The following THRB variants were observed in gnomAD, a reference collection of about 807,000 sequenced individuals.
The protein encoded by THRB is nuclear receptor subfamily 1 group A member 2.
THRB carries 12 observed loss-of-function variants against 47.8 expected under a neutral mutation model. The ratio of observed to expected loss-of-function variants is 0.25; its 90% CI spans 0.16 to 0.41. THRB has a LOEUF of 0.41. Ranked by LOEUF, THRB falls within the 10% of genes least tolerant of loss-of-function variation. THRB has a pLI of 1.00. For synonymous variants in THRB, 218 were observed against 212.2 expected (o/e 1.03, Z -0.24); for missense variants, 348 against 589.2 (o/e 0.59, Z 4.24).
At chr3:24,202,857 A>G (rs896007607) in intron 4 of THRB, among the ~76,000 whole-genome samples, 5 of 152,234 alleles carry the variant, frequency 3.3e-5, no homozygotes, top group Non-Finnish European at 5.9e-5. Context: ...CACCTTTGCT[A>G]TCTTCTACAG....
At chr3:24,241,323 TAGAAAAGCCACTC>T (rs1472350614) in intron 3 of THRB, among the ~76,000 whole-genome samples, 8 of 152,272 alleles carry the variant, frequency 5.3e-5, no homozygotes, top group East Asian at 3.9e-4. Context: ...AATGCGTACT[TAGAAAAGCCACTC>T]AGGTGATTCC....
intron 3 of THRB, among the ~76,000 whole-genome samples, chr3:24,264,855 G>A (rs1054519943): frequency 3.3e-5 from 5 of 151,958 alleles, no homozygotes; most frequent in Admixed American, 2.6e-4. Flanking sequence ...TCCACAAGAG[G>A]GCAGTCCTCC....
intron 1 of THRB, among the ~76,000 whole-genome samples, chr3:24,347,731 T>C (rs2063112826): frequency 6.6e-6 from 1 of 151,632 alleles, no homozygotes; most frequent in Admixed American, 6.6e-5. Context: ...AAAATGTCAA[T>C]GAAATGGACA....
chr3:24,446,521 T>G (rs1194184945), intron 1 of THRB, among the ~76,000 whole-genome samples: 1 of 148,846 alleles, frequency 6.7e-6, no homozygotes, highest in Non-Finnish European at 1.5e-5. Flanking sequence ...GCTGCTAAAT[T>G]GTCATTCCAT....
rs116388386 is a variant in THRB at position 24,482,984 on chromosome 3, C to T, written c.-261+11668G>A. On this transcript the variant is annotated intron_variant, in intron 1 of 10. Coordinates refer to ENST00000646209, the MANE Select transcript of THRB (RefSeq NM_001354712.2). ...TTATTTTTCTTTTATATGTTCTCTG[C>T]ATGATACTTCTTATCATTGGTTAGT... is the stretch of plus-strand genomic sequence containing the variant. Among the ~76,000 whole-genome samples the T allele has an allele frequency of 9.9e-3, 1,514 of 152,258 alleles. 26 individuals carry two copies. The highest frequency in any genetic ancestry group is 0.035 in the African/African-American group (1,434 of 41,540).
intron 2 of THRB, among the ~76,000 whole-genome samples, chr3:24,299,003 T>C (rs1276715913): frequency 6.6e-6 from 1 of 152,056 alleles, no homozygotes; most frequent in Non-Finnish European, 1.5e-5. Context: ...ATCCCAGCAC[T>C]TTGGGAGGCC....
intron 3 of THRB, among the ~76,000 whole-genome samples, chr3:24,248,778 T>C (rs1391771708): frequency 6.6e-6 from 1 of 152,186 alleles, no homozygotes; most frequent in Non-Finnish European, 1.5e-5. Flanking sequence ...CTTCCTTTCT[T>C]AGTGGTCCAA....
At chr3:24,143,381 G>A (rs1009626575) in intron 8 of THRB, 120 bp downstream of exon 8, 26 of 1,019,266 alleles carry the variant, frequency 2.6e-5, no homozygotes, top group African/African-American at 1.1e-4. Flanking sequence ...TCAGAGCTAC[G>A]GTTTCCCTAT....
chr3:24,413,249 TGCA>T (rs1201242769), intron 1 of THRB, among the ~76,000 whole-genome samples: 4 of 152,050 alleles, frequency 2.6e-5, no homozygotes, highest in Admixed American at 2.6e-4. Context: ...AAAAGATATT[TGCA>T]AAGAATTTTA....
chr3:24,329,108 C>T (rs1472227657), intron 2 of THRB, among the ~76,000 whole-genome samples: 1 of 151,942 alleles, frequency 6.6e-6, no homozygotes, highest in African/African-American at 2.4e-5. Context: ...CACCATGCCC[C>T]TCTAATTTTT....
rs527792676 is a variant in THRB, at chr3:24,397,093, C to A, written c.-260-59722G>T. 5.3e-4 allele frequency among the ~76,000 whole-genome samples: 80 copies of A among 152,202 alleles called. 1 individual carries two copies. The South Asian group carries it at 0.016, about 30-fold the overall frequency. On this transcript the variant is annotated intron_variant, in intron 1 of 10. Transcript: ENST00000646209. ...AATTAGAACTCAGCATAGATATTATCATTTAAATTCAGTTTAGTGACATAA... is the reference window on the plus strand; with the variant it reads ...AATTAGAACTCAGCATAGATATTATAATTTAAATTCAGTTTAGTGACATAA...
chr3:24,451,377 G>A (rs1444822268), intron 1 of THRB, among the ~76,000 whole-genome samples: 1 of 151,950 alleles, frequency 6.6e-6, no homozygotes, highest in African/African-American at 2.4e-5. Context: ...GGGACTACAG[G>A]TGCCTGCCAC....
chr3:24,413,387 T>C (rs1286737755), intron 1 of THRB, among the ~76,000 whole-genome samples: 3 of 151,792 alleles, frequency 2.0e-5, no homozygotes, highest in Admixed American at 2.0e-4. Flanking sequence ...AAGAATTCTA[T>C]ATGGTAAATT....
At chr3:24,306,822 C>T (rs2057372158) in intron 2 of THRB, among the ~76,000 whole-genome samples, 1 of 152,170 alleles carries the variant, frequency 6.6e-6, no homozygotes, top group African/African-American at 2.4e-5. Context: ...GAGCTAAAAT[C>T]TATCTGGATG....
At chr3:24,404,760 AAACAC>A (rs2067687918) in intron 1 of THRB, among the ~76,000 whole-genome samples, 1 of 151,944 alleles carries the variant, frequency 6.6e-6, no homozygotes. Context: ...AAACATTAAT[AAACAC>A]AATTTCTTTG....
chr3:24,277,831 C>T (rs575640442), intron 3 of THRB, among the ~76,000 whole-genome samples: 3 of 152,302 alleles, frequency 2.0e-5, no homozygotes, highest in Admixed American at 6.5e-5. Context: ...TAAAGAATTA[C>T]TGGCAGTCTC....
chr3:24,436,551 G>A (rs1446176983), intron 1 of THRB, among the ~76,000 whole-genome samples: 3 of 152,262 alleles, frequency 2.0e-5, no homozygotes, highest in Admixed American at 2.0e-4. Context: ...TAAATGGGAA[G>A]TTTAACAAGA....
At chr3:24,205,093 A>G (rs1179353560) in intron 4 of THRB, among the ~76,000 whole-genome samples, 1 of 152,238 alleles carries the variant, frequency 6.6e-6, no homozygotes, top group Non-Finnish European at 1.5e-5. Context: ...CATATTATCC[A>G]GGAGAACTTC....
chr3:24,459,242 GC>G (rs1242999210), intron 1 of THRB: 1 of 152,150 alleles, frequency 6.6e-6, no homozygotes, highest in Admixed American at 6.5e-5. Flanking sequence ...GTGATAGCTT[GC>G]TGAGAATGAT....
Sources: allele counts gnomAD v4.1 joint callset (sites outside exome capture counted in the v4.1 genomes callset), GRCh38; gene constraint gnomAD v4.1.1; transcripts MANE v1.5; gene names NCBI Gene and HGNC (gene_info 2026-07-23, HGNC 2026-07-21).